The following LINGO3 variants were observed in gnomAD, a reference collection of about 807,000 sequenced individuals.
LINGO3 encodes leucine-rich repeat and immunoglobulin-like domain-containing nogo receptor-interacting protein 3.
For synonymous variants in LINGO3, 427 were observed against 444.2 expected, an observed-to-expected ratio of 0.96 and a Z score of 0.49; for missense variants, 750 against 867.7, an observed-to-expected ratio of 0.86 and a Z score of 1.70.
the LINGO3 span, among the ~76,000 whole-genome samples, chr19:2,307,667 A>G: frequency 2.7e-4 from 41 of 152,174 alleles, no homozygotes; most frequent in Non-Finnish European, 5.3e-4. Flanking sequence ...GCTGGACCAG[A>G]CCCGGCTCGG....
rs1489804118 is a variant in LINGO3 at position 2,289,980 on chromosome 19, G to C, written c.*18C>G. The C allele has an allele frequency of 2.7e-6, 4 of 1,495,136 alleles. No homozygotes were observed. The South Asian group carries it at 5.0e-5, about 19-fold the overall frequency. 92.6% of individuals were successfully genotyped at this position (1,495,136 alleles called of 1,614,324 possible). On this transcript the variant is annotated 3_prime_UTR_variant, in exon 1 of 1. Coordinates refer to ENST00000585527, the Ensembl canonical transcript of LINGO3. ...GGCCCGCGGGGGAGGGGAGGGGAGG[G>C]TCCGCCCTGGGGACCCCTCAGATCA...
the LINGO3 span, among the ~76,000 whole-genome samples, chr19:2,301,043 C>T: frequency 1.3e-5 from 2 of 152,008 alleles, no homozygotes; most frequent in Non-Finnish European, 2.9e-5. Flanking sequence ...GGTTCAGACC[C>T]TCTGGGTTAG....
chr19:2,304,613 G>A, the LINGO3 span, among the ~76,000 whole-genome samples: 672 of 151,822 alleles, frequency 4.4e-3, 9 homozygotes, highest in African/African-American at 0.015. Flanking sequence ...GGGGCCCTGA[G>A]CCAAGGGATG....
chr19:2,301,254 T>G, the LINGO3 span, among the ~76,000 whole-genome samples: 1 of 151,772 alleles, frequency 6.6e-6, no homozygotes, highest in Non-Finnish European at 1.5e-5. Context: ...GGGGACAGAT[T>G]TAGTGTTTTT....
Position 2,290,004 on chromosome 19 carries a change from C to A in LINGO3, c.1773G>T (p.Met591Ile). 6.5e-7 allele frequency: 1 copy of A among 1,539,536 alleles called. No homozygotes were observed. The highest frequency in any genetic ancestry group is 8.8e-7 in the Non-Finnish European group (1 of 1,141,138). ...GGTCCGCCCTGGGGACCCCTCAGAT[C>A]ATCTTCATGTTGAACTTGCGCGCGC... Residue 591 changes from methionine to isoleucine, a missense_variant, in exon 1 of 1, where the codon ATG (methionine) becomes ATT (isoleucine). Physicochemically the swap from Met to Ile is conservative, Grantham distance 10. Transcript: ENST00000585527. The surrounding 1 kb of genome is among the most constrained non-coding windows in gnomAD (Gnocchi z 6.0).
exon 1 of LINGO3, chr19:2,291,577 C>G: frequency 6.4e-7 from 1 of 1,567,516 alleles, no homozygotes; most frequent in African/African-American, 1.4e-5. Flanking sequence ...GTTCAGGCAG[C>G]GGATGCGGTT....
the LINGO3 span, among the ~76,000 whole-genome samples, chr19:2,304,338 G>T: frequency 6.6e-6 from 1 of 152,152 alleles, no homozygotes; most frequent in Non-Finnish European, 1.5e-5. Context: ...AAACAGGGAA[G>T]GGGGGCCTGG....
the LINGO3 span, among the ~76,000 whole-genome samples, chr19:2,298,786 A>T: frequency 6.6e-6 from 1 of 151,792 alleles, no homozygotes; most frequent in Non-Finnish European, 1.5e-5. Flanking sequence ...TGATCCGCCC[A>T]CCTCGGCCTC....
the LINGO3 span, among the ~76,000 whole-genome samples, chr19:2,307,915 G>A: frequency 6.6e-6 from 1 of 152,142 alleles, no homozygotes; most frequent in Non-Finnish European, 1.5e-5. Context: ...CGGGGGCCTG[G>A]CAAGGAGCGA....
the LINGO3 span, among the ~76,000 whole-genome samples, chr19:2,304,864 C>G: frequency 3.3e-5 from 5 of 151,876 alleles, no homozygotes; most frequent in Non-Finnish European, 5.9e-5. Context: ...TGAGCCACCA[C>G]GTCCGGCTAA....
chr19:2,298,585 G>A, the LINGO3 span, among the ~76,000 whole-genome samples: 2 of 146,890 alleles, frequency 1.4e-5, no homozygotes, highest in African/African-American at 5.1e-5. Context: ...CTGTCATCCA[G>A]GCTGGAGTGC....
rs1417902711 is a variant in LINGO3 at position 2,290,232 on chromosome 19, C to T, written c.1545G>A (p.Leu515=). ...GGTCGAGCGGCGCGCGCAGGGCCGCCAGCGTCTCGTTGTGGGCCTCGCCCG... is the reference window on the plus strand; with the variant it reads ...GGTCGAGCGGCGCGCGCAGGGCCGCTAGCGTCTCGTTGTGGGCCTCGCCCG... Residue 515 remains leucine, a synonymous_variant, in exon 1 of 1, where the codon CTG becomes CTA. Transcript: ENST00000585527. This position sits in a 1 kb window ranked among gnomAD's most constrained non-coding sequence, Gnocchi z 6.0. 2 of 1,605,544 alleles carry T rather than the reference C, an allele frequency of 1.2e-6. No homozygotes were observed. The highest frequency in any genetic ancestry group is 1.1e-5 in the South Asian group (1 of 90,782).
upstream of LINGO3, among the ~76,000 whole-genome samples, chr19:2,292,450 G>C (rs2025534405): frequency 6.7e-6 from 1 of 148,668 alleles, no homozygotes; most frequent in Non-Finnish European, 1.5e-5. Flanking sequence ...CCGTGTGGCT[G>C]CAATTCCAAT....
chr19:2,293,660 G>A (rs1000290914), upstream of LINGO3, among the ~76,000 whole-genome samples: 23 of 151,002 alleles, frequency 1.5e-4, no homozygotes, highest in African/African-American at 3.6e-4. Context: ...GCGCCCGTCC[G>A]TGTGATCTCA....
Position 2,290,379 on chromosome 19 carries a change from C to T in LINGO3, c.1398G>A (p.Glu466=). Residue 466 remains glutamate, a synonymous_variant, in exon 1 of 1, where the codon GAG becomes GAA. Transcript: ENST00000585527. This position sits in a 1 kb window ranked among gnomAD's most constrained non-coding sequence, Gnocchi z 6.0. ...TGTCCTGCGGCCGCGCGTCCTGGAT[C>T]TCCAGCGTCCCCCCGGGGAGCACGC... 6.8e-7 allele frequency: 1 copy of T among 1,481,266 alleles called. No homozygotes were observed. The highest frequency in any genetic ancestry group is 8.9e-7 in the Non-Finnish European group (1 of 1,124,284). 91.8% of individuals were successfully genotyped at this position (1,481,266 alleles called of 1,614,324 possible).
chr19:2,303,188 C>A, the LINGO3 span, among the ~76,000 whole-genome samples: 1 of 152,344 alleles, frequency 6.6e-6, no homozygotes, highest in East Asian at 1.9e-4. Flanking sequence ...GCGAATTGGC[C>A]CGTCTGGACA....
chr19:2,296,933 A>G (rs2025578277), upstream of LINGO3, among the ~76,000 whole-genome samples: 1 of 151,638 alleles, frequency 6.6e-6, no homozygotes, highest in Non-Finnish European at 1.5e-5. Flanking sequence ...CTAAAAAAAC[A>G]TACAAAAAAT....
chr19:2,302,058 T>A, the LINGO3 span, among the ~76,000 whole-genome samples: 1 of 126,014 alleles, frequency 7.9e-6, no homozygotes, highest in African/African-American at 2.9e-5. Context: ...TATTTGTGGG[T>A]AGTTTTTTTT....
exon 1 of LINGO3, chr19:2,291,146 C>G (rs1316390948): frequency 6.2e-7 from 1 of 1,607,110 alleles, no homozygotes; most frequent in East Asian, 2.2e-5. Context: ...TCCAGGGAGG[C>G]GATGGCCAGG....
Sources: allele counts gnomAD v4.1 joint callset (sites outside exome capture counted in the v4.1 genomes callset), GRCh38; gene constraint gnomAD v4.1.1; non-coding constraint Gnocchi (gnomAD v3.1); transcripts MANE v1.5; gene names NCBI Gene and HGNC (gene_info 2026-07-23, HGNC 2026-07-21).